The following CNTNAP2 variants were observed in gnomAD, a reference collection of about 807,000 sequenced individuals.
The protein encoded by CNTNAP2 is contactin-associated protein-like 2.
A neutral mutation model predicts 155.2 loss-of-function variants in CNTNAP2; 98 were observed. The observed-to-expected ratio is 0.63, with a 90% CI of 0.54 to 0.75. The LOEUF is 0.75. CNTNAP2 is among the 30% of genes least tolerant of loss of function. The pLI is 0.00. For synonymous variants in CNTNAP2, 651 were observed against 631.2 expected (o/e 1.03, Z -0.47); for missense variants, 1,727 against 1,688.1 (o/e 1.02, Z -0.40).
chr7:147,010,704 T>A (rs1223998299), intron 3 of CNTNAP2, among the ~76,000 whole-genome samples: 1 of 152,230 alleles, frequency 6.6e-6, no homozygotes, highest in Admixed American at 6.5e-5. Context: ...AAGAGAAAGC[T>A]TTTTCTTGTA....
chr7:147,985,998 G>T (rs1268701691), intron 15 of CNTNAP2, among the ~76,000 whole-genome samples: 1 of 152,032 alleles, frequency 6.6e-6, no homozygotes, highest in Non-Finnish European at 1.5e-5. Context: ...CTCATTTCCT[G>T]CTTGGGTACA....
chr7:146,157,100 T>C (rs1798138766), intron 1 of CNTNAP2, among the ~76,000 whole-genome samples: 1 of 152,136 alleles, frequency 6.6e-6, no homozygotes, highest in Non-Finnish European at 1.5e-5. Flanking sequence ...CAATCTAACT[T>C]AGGTTAAAAT....
intron 2 of CNTNAP2, among the ~76,000 whole-genome samples, chr7:146,783,985 G>A (rs979767361): frequency 4.6e-5 from 7 of 152,098 alleles, no homozygotes; most frequent in Admixed American, 6.5e-5. Flanking sequence ...AAATATAGTC[G>A]TATCTCCCAT....
intron 9 of CNTNAP2, 140 bp from the exon 10 acceptor site, chr7:147,395,469 T>G: frequency 1.2e-6 from 1 of 830,182 alleles, no homozygotes; most frequent in African/African-American, 1.7e-5. Flanking sequence ...TTCCTTTTTC[T>G]ACACTGAATA....
intron 13 of CNTNAP2, among the ~76,000 whole-genome samples, chr7:147,651,713 C>A (rs1324810606): frequency 6.6e-6 from 1 of 152,150 alleles, no homozygotes. Context: ...TCAAGTAGAT[C>A]AACTCAGGGA....
At chr7:147,890,536 C>T (rs1799672486) in intron 13 of CNTNAP2, among the ~76,000 whole-genome samples, 1 of 152,196 alleles carries the variant, frequency 6.6e-6, no homozygotes, top group African/African-American at 2.4e-5. Flanking sequence ...GAGGTATCTG[C>T]ATTCCCATGT....
chr7:147,410,664 T>G (rs1250035458), intron 10 of CNTNAP2, among the ~76,000 whole-genome samples: 4 of 152,176 alleles, frequency 2.6e-5, no homozygotes, highest in African/African-American at 7.2e-5. Context: ...ATGTGGCTAT[T>G]TCACACTTAA....
chr7:147,523,202 T>C (rs990876932), intron 11 of CNTNAP2, among the ~76,000 whole-genome samples: 2 of 152,168 alleles, frequency 1.3e-5, no homozygotes, highest in African/African-American at 2.4e-5. Context: ...TCTCAGCTCT[T>C]TGCTAGTCAT....
chr7:146,949,578 A>T (rs1797266891), intron 3 of CNTNAP2, among the ~76,000 whole-genome samples: 1 of 152,212 alleles, frequency 6.6e-6, no homozygotes, highest in Non-Finnish European at 1.5e-5. Context: ...GTGGGGCTAC[A>T]AATACCCTTG....
intron 1 of CNTNAP2, among the ~76,000 whole-genome samples, chr7:146,598,624 T>C (rs1423670619): frequency 6.6e-6 from 1 of 152,068 alleles, no homozygotes; most frequent in Admixed American, 6.6e-5. Flanking sequence ...GGAATACTTT[T>C]GCTTGGCCTC....
chr7:146,457,154 TC>T (rs1796566344), intron 1 of CNTNAP2, among the ~76,000 whole-genome samples: 5 of 152,030 alleles, frequency 3.3e-5, no homozygotes, highest in South Asian at 2.1e-4. Flanking sequence ...AAATGCAATG[TC>T]AAGTGGTAAT....
intron 1 of CNTNAP2, among the ~76,000 whole-genome samples, chr7:146,322,219 A>G (rs958904380): frequency 3.3e-5 from 5 of 152,190 alleles, no homozygotes; most frequent in Admixed American, 6.5e-5. Flanking sequence ...ATTTTAGAGC[A>G]TGTCACTGAT....
At chr7:147,161,415 A>G (rs1041826290) in intron 8 of CNTNAP2, among the ~76,000 whole-genome samples, 1 of 152,088 alleles carries the variant, frequency 6.6e-6, no homozygotes, top group Non-Finnish European at 1.5e-5. Context: ...TTTATGTGTA[A>G]TTAAGGAATA....
chr7:147,852,614 T>C (rs376257510), intron 13 of CNTNAP2, among the ~76,000 whole-genome samples: 9 of 152,242 alleles, frequency 5.9e-5, no homozygotes, highest in East Asian at 5.8e-4. Context: ...TTTTCATTCA[T>C]TGCAAGAATG....
At chr7:146,186,596 T>C (rs1798627863) in intron 1 of CNTNAP2, among the ~76,000 whole-genome samples, 1 of 152,188 alleles carries the variant, frequency 6.6e-6, no homozygotes, top group African/African-American at 2.4e-5. Context: ...CCTTGGTGTA[T>C]TATGTATTTC....
chr7:146,489,820 T>C (rs1428932698), intron 1 of CNTNAP2, among the ~76,000 whole-genome samples: 1 of 144,102 alleles, frequency 6.9e-6, no homozygotes, highest in African/African-American at 2.8e-5. Context: ...AGTCGGGTGG[T>C]TTCTTTCTCA....
intron 2 of CNTNAP2, among the ~76,000 whole-genome samples, chr7:146,806,887 G>A (rs1802976919): frequency 6.6e-6 from 1 of 152,094 alleles, no homozygotes; most frequent in African/African-American, 2.4e-5. Flanking sequence ...GTGTGTTTCT[G>A]TTTTATCTGT....
intron 1 of CNTNAP2, among the ~76,000 whole-genome samples, chr7:146,595,745 A>G (rs1459500492): frequency 6.6e-6 from 1 of 152,100 alleles, no homozygotes; most frequent in Non-Finnish European, 1.5e-5. Flanking sequence ...TAATTTTCCT[A>G]TAATGCTGCT....
chr7:146,401,685 G>T (rs917245615), intron 1 of CNTNAP2, among the ~76,000 whole-genome samples: 2 of 152,248 alleles, frequency 1.3e-5, no homozygotes, highest in Admixed American at 1.3e-4. Context: ...TGCCTCGTGT[G>T]TTTTGCATTT....
Sources: allele counts gnomAD v4.1 joint callset (sites outside exome capture counted in the v4.1 genomes callset), GRCh38; gene constraint gnomAD v4.1.1; transcripts MANE v1.5; gene names NCBI Gene and HGNC (gene_info 2026-07-23, HGNC 2026-07-21).